The following AGBL1 variants were observed in gnomAD, a reference collection of about 807,000 sequenced individuals.
The protein encoded by AGBL1 is cytosolic carboxypeptidase 4.
In AGBL1, 130 loss-of-function variants were observed where a neutral mutation model predicts 118.9. The observed-to-expected ratio is 1.09, with a 90% CI of 0.95 to 1.26. AGBL1 has a LOEUF of 1.26. Ranked by LOEUF, AGBL1 falls within the 50% of genes most tolerant of loss-of-function variation. The pLI is 0.00. For synonymous variants in AGBL1, 555 were observed against 478.9 expected (o/e 1.16, Z -2.08); for missense variants, 1,584 against 1,298.1 (o/e 1.22, Z -3.38).
At chr15:86,569,455 T>G (rs1042136456) in intron 21 of AGBL1, among the ~76,000 whole-genome samples, 6 of 152,190 alleles carry the variant, frequency 3.9e-5, no homozygotes, top group Admixed American at 2.0e-4. Context: ...ATCTATCATT[T>G]TAGTAGAAAT....
chr15:86,756,762 G>A (rs1203558109), intron 22 of AGBL1, among the ~76,000 whole-genome samples: 2 of 152,142 alleles, frequency 1.3e-5, no homozygotes, highest in East Asian at 1.9e-4. Flanking sequence ...GAAGTCAAAA[G>A]TTGTTGAGAG....
intron 18 of AGBL1, among the ~76,000 whole-genome samples, chr15:86,440,809 A>C (rs2082055114): frequency 6.6e-6 from 1 of 152,190 alleles, no homozygotes; most frequent in Admixed American, 6.5e-5. Context: ...CATTCTCATA[A>C]GTGACAGTTG....
intron 22 of AGBL1, among the ~76,000 whole-genome samples, chr15:86,689,586 A>G (rs2086126192): frequency 6.6e-6 from 1 of 152,128 alleles, no homozygotes; most frequent in Non-Finnish European, 1.5e-5. Flanking sequence ...TTGTTCATTG[A>G]TGGAATATAT....
chr15:86,578,615 CAT>C (rs1035069675), intron 21 of AGBL1, among the ~76,000 whole-genome samples: 1 of 152,158 alleles, frequency 6.6e-6, no homozygotes, highest in Non-Finnish European at 1.5e-5. Flanking sequence ...TGAATTCCCA[CAT>C]GTTTTGGAAG....
chr15:86,867,289 C>G (rs953963227), intron 22 of AGBL1, among the ~76,000 whole-genome samples: 6 of 152,092 alleles, frequency 3.9e-5, no homozygotes, highest in African/African-American at 1.4e-4. Context: ...TCCCTCAAAA[C>G]CACACTTGAT....
intron 18 of AGBL1, among the ~76,000 whole-genome samples, chr15:86,433,451 G>C (rs1278576556): frequency 6.6e-6 from 1 of 151,892 alleles, no homozygotes; most frequent in African/African-American, 2.4e-5. Context: ...CATTTCTTGT[G>C]CAAGGAAGAC....
chr15:86,286,735 G>GCA (rs2079456307), intron 16 of AGBL1, among the ~76,000 whole-genome samples: 7 of 106,296 alleles, frequency 6.6e-5, no homozygotes, highest in African/African-American at 1.2e-4. Context: ...GTTTGTGTGT[G>GCA]TATATATATA....
intron 18 of AGBL1, among the ~76,000 whole-genome samples, chr15:86,498,248 C>A (rs138636184): frequency 8.6e-4 from 131 of 151,950 alleles, no homozygotes; most frequent in African/African-American, 2.9e-3. Flanking sequence ...TTGGTTTTAT[C>A]TCCTTCACAT....
At chr15:86,192,290 C>CT (rs2077735851) in intron 5 of AGBL1, among the ~76,000 whole-genome samples, 1 of 149,292 alleles carries the variant, frequency 6.7e-6, no homozygotes, top group African/African-American at 2.4e-5. Flanking sequence ...ATAATTTTTA[C>CT]ATATAATGGA....
At chr15:86,887,138 A>G (rs1296609325) in intron 22 of AGBL1, among the ~76,000 whole-genome samples, 1 of 152,224 alleles carries the variant, frequency 6.6e-6, no homozygotes, top group African/African-American at 2.4e-5. Flanking sequence ...AATTTATTAA[A>G]ACAAATAGAA....
intron 18 of AGBL1, among the ~76,000 whole-genome samples, chr15:86,474,505 C>A (rs1463419524): frequency 4.6e-5 from 7 of 152,218 alleles, no homozygotes; most frequent in Non-Finnish European, 1.0e-4. Context: ...GATCGAACTG[C>A]AAGGCGGCAG....
chr15:86,989,825 A>T (rs1386516566), intron 24 of AGBL1, among the ~76,000 whole-genome samples: 1 of 152,228 alleles, frequency 6.6e-6, no homozygotes, highest in African/African-American at 2.4e-5. Context: ...TGAGAAAATG[A>T]GCTATATGGA....
At chr15:86,678,708 G>T (rs573390837) in intron 22 of AGBL1, among the ~76,000 whole-genome samples, 1 of 151,784 alleles carries the variant, frequency 6.6e-6, no homozygotes, top group Non-Finnish European at 1.5e-5. Flanking sequence ...GTCTACCTCG[G>T]TTTAATAACA....
At chr15:86,517,107 A>T (rs997433492) in intron 18 of AGBL1, among the ~76,000 whole-genome samples, 1 of 152,234 alleles carries the variant, frequency 6.6e-6, no homozygotes, top group African/African-American at 2.4e-5. Flanking sequence ...TTGGGCAAGT[A>T]TGTAAGTGGG....
chr15:86,155,130 G>C (rs62012455), intron 4 of AGBL1, among the ~76,000 whole-genome samples: 5,653 of 152,158 alleles, frequency 0.037, 152 homozygotes, highest in Middle Eastern at 0.092. Flanking sequence ...TAGTAATTTT[G>C]TATTTAGACC....
chr15:86,568,657 G>C (rs900979604), intron 21 of AGBL1, among the ~76,000 whole-genome samples: 1 of 152,226 alleles, frequency 6.6e-6, no homozygotes. Flanking sequence ...CTGGAGCAGA[G>C]CATCAGCAGC....
At chr15:86,950,647 C>G (rs111823429) in intron 23 of AGBL1, among the ~76,000 whole-genome samples, 10 of 151,648 alleles carry the variant, frequency 6.6e-5, no homozygotes, top group African/African-American at 2.4e-4. Flanking sequence ...AATGGAAAGT[C>G]AGAGTGAAAT....
At chr15:86,998,003 G>T (rs564395244) in intron 24 of AGBL1, among the ~76,000 whole-genome samples, 8 of 151,014 alleles carry the variant, frequency 5.3e-5, no homozygotes, top group African/African-American at 1.9e-4. Context: ...AAATGAACTA[G>T]ATATGTAACA....
chr15:86,339,254 A>G (rs544948478), intron 17 of AGBL1, among the ~76,000 whole-genome samples: 4 of 152,300 alleles, frequency 2.6e-5, no homozygotes, highest in Non-Finnish European at 5.9e-5. Flanking sequence ...GGTGTTATCC[A>G]TTTCTTGTTG....
Sources: allele counts gnomAD v4.1 joint callset (sites outside exome capture counted in the v4.1 genomes callset), GRCh38; gene constraint gnomAD v4.1.1; transcripts MANE v1.5; gene names NCBI Gene and HGNC (gene_info 2026-07-23, HGNC 2026-07-21).